GRIK4: variants seen among roughly 807,000 people sequenced by gnomAD.
GRIK4 encodes the protein glutamate receptor ionotropic, kainate 4.
A neutral mutation model predicts 104.9 loss-of-function variants in GRIK4; 40 were observed. The ratio of observed to expected loss-of-function variants is 0.38; its 90% CI spans 0.30 to 0.50. GRIK4 has a LOEUF of 0.50. Among genes scored for constraint, GRIK4 ranks in the 20% least tolerant of loss-of-function variants. GRIK4 has a pLI of 0.93. For synonymous variants in GRIK4, 485 were observed against 524.9 expected, an observed-to-expected ratio of 0.92 and a Z score of 1.04; for missense variants, 1,047 against 1,308.1, an observed-to-expected ratio of 0.80 and a Z score of 3.08.
intron 3 of GRIK4, among the ~76,000 whole-genome samples, chr11:120,793,222 G>A (rs895875081): frequency 1.3e-5 from 2 of 152,054 alleles, no homozygotes; most frequent in Non-Finnish European, 1.5e-5. Context: ...GCAGTGGGTC[G>A]AGGAGAACAT....
In GRIK4 at chr11:120,541,109, G is replaced by C. The variant is rs117683533; in HGVS notation, c.-159+29222G>C. ...CCCCTGGACTGAGGCGCAGCTACCGGAATGTGCTGTGCTAGTTCACACATC... is the reference window on the plus strand; with the variant it reads ...CCCCTGGACTGAGGCGCAGCTACCGCAATGTGCTGTGCTAGTTCACACATC... On this transcript the variant is annotated intron_variant, in intron 1 of 20. Transcript: ENST00000527524. Among the ~76,000 whole-genome samples the C allele has an allele frequency of 1.1e-4, 17 of 152,384 alleles. No homozygotes were observed. The East Asian group carries it at 3.1e-3, about 28-fold the overall frequency.
At chr11:120,786,912 A>C (rs1952290883) in intron 3 of GRIK4, among the ~76,000 whole-genome samples, 1 of 152,244 alleles carries the variant, frequency 6.6e-6, no homozygotes, top group South Asian at 2.1e-4. Context: ...AACGTGGCTC[A>C]TCTGGGTGGA....
intron 3 of GRIK4, among the ~76,000 whole-genome samples, chr11:120,780,708 G>A (rs969586925): frequency 2.6e-5 from 4 of 151,912 alleles, no homozygotes; most frequent in Non-Finnish European, 4.4e-5. Context: ...TACATTATCC[G>A]GGGTTTTTTT....
intron 3 of GRIK4, among the ~76,000 whole-genome samples, chr11:120,747,606 C>T (rs528331255): frequency 2.6e-5 from 4 of 152,288 alleles, no homozygotes; most frequent in African/African-American, 9.6e-5. Flanking sequence ...CAGAACAATA[C>T]GAGGTGAAGG....
chr11:120,656,967 CA>C (rs1166581200), intron 2 of GRIK4, among the ~76,000 whole-genome samples: 1 of 152,180 alleles, frequency 6.6e-6, no homozygotes, highest in African/African-American at 2.4e-5. Context: ...AAAATTTACA[CA>C]GGGTAATCTG....
intron 3 of GRIK4, among the ~76,000 whole-genome samples, chr11:120,752,791 G>A (rs1168450936): frequency 6.6e-6 from 1 of 152,222 alleles, no homozygotes; most frequent in Non-Finnish European, 1.5e-5. Context: ...AGGGCCACCT[G>A]TTGTCACTGT....
intron 1 of GRIK4, among the ~76,000 whole-genome samples, chr11:120,634,706 C>T (rs535533242): frequency 6.6e-6 from 1 of 152,160 alleles, no homozygotes; most frequent in Non-Finnish European, 1.5e-5. Flanking sequence ...TGAAAAGAGA[C>T]AGAGAACGGA....
At chr11:120,665,487 G>A (rs185962371) in intron 3 of GRIK4, among the ~76,000 whole-genome samples, 15 of 152,304 alleles carry the variant, frequency 9.8e-5, no homozygotes, top group Admixed American at 9.8e-4. Context: ...GCACCTTAGG[G>A]AGGCTGTGTC....
At chr11:120,983,522 C>T (rs548558626) in intron 20 of GRIK4, among the ~76,000 whole-genome samples, 169 of 152,348 alleles carry the variant, frequency 1.1e-3, no homozygotes, top group African/African-American at 3.9e-3. Flanking sequence ...TTCAGAATCC[C>T]TCTTCCCTTG....
At chr11:120,924,820 A>G (rs1204577421) in intron 13 of GRIK4, among the ~76,000 whole-genome samples, 28 of 152,220 alleles carry the variant, frequency 1.8e-4, no homozygotes, top group Admixed American at 1.8e-3. Flanking sequence ...AAAAGACCAA[A>G]TACACCTTTA....
At chr11:120,561,856 C>G (rs551086073) in intron 1 of GRIK4, among the ~76,000 whole-genome samples, 2 of 152,192 alleles carry the variant, frequency 1.3e-5, no homozygotes, top group South Asian at 4.1e-4. Flanking sequence ...GACTGCTGCA[C>G]GCTACACAGC....
intron 1 of GRIK4, among the ~76,000 whole-genome samples, chr11:120,607,284 C>T (rs998474506): frequency 5.3e-5 from 8 of 152,234 alleles, no homozygotes; most frequent in Admixed American, 1.3e-4. Flanking sequence ...TGTATTGTAA[C>T]GGGTTTGGTT....
Position 120,549,348 on chromosome 11 carries a change from C to T in GRIK4, c.-159+37461C>T, listed in dbSNP as rs900043771. On this transcript the variant is annotated intron_variant, in intron 1 of 20. Transcript: ENST00000527524. This position sits in a 1 kb window ranked among gnomAD's most constrained non-coding sequence, Gnocchi z 4.7. ...GTCTCAAACTCTTGACCTCATGATG[C>T]ACCCACCTTGGACTCCCAAAGTGCT... Among the ~76,000 whole-genome samples, 3 of 152,148 alleles carry T rather than the reference C, an allele frequency of 2.0e-5. No individual in the cohort carries two copies. The highest frequency in any genetic ancestry group is 7.2e-5 in the African/African-American group (3 of 41,424).
At chr11:120,974,401 G>A (rs969732996) in intron 19 of GRIK4, among the ~76,000 whole-genome samples, 44 of 152,206 alleles carry the variant, frequency 2.9e-4, no homozygotes, top group African/African-American at 9.9e-4. Flanking sequence ...GAGAGGGATA[G>A]AGGTGAAAGG....
chr11:120,798,274 T>TTA (rs1952560901), intron 3 of GRIK4, among the ~76,000 whole-genome samples: 1 of 146,428 alleles, frequency 6.8e-6, no homozygotes, highest in Non-Finnish European at 1.5e-5. Flanking sequence ...TTTTCCTGCC[T>TTA]TAGTCTCCCG....
chr11:120,737,068 C>T (rs1373970710), intron 3 of GRIK4, among the ~76,000 whole-genome samples: 1 of 151,960 alleles, frequency 6.6e-6, no homozygotes, highest in African/African-American at 2.4e-5. Context: ...GGATTGGAAC[C>T]GATGTTTAGA....
chr11:120,816,828 A>G (rs1952973592), intron 5 of GRIK4, among the ~76,000 whole-genome samples: 1 of 151,942 alleles, frequency 6.6e-6, no homozygotes, highest in Non-Finnish European at 1.5e-5. Flanking sequence ...TGTACCCTTG[A>G]GCCTTCTTAC....
chr11:120,822,020 G>A lies in GRIK4; in HGVS notation c.511+2100G>A, dbSNP rs561462410. On this transcript the variant is annotated intron_variant, in intron 6 of 20. Transcript: ENST00000527524. ...ACATCAGGAGTTTGAGACCAGTCTG[G>A]CCAATGTAGTAGAAACCCCGTTTCT... 2.6e-5 allele frequency among the ~76,000 whole-genome samples: 4 copies of A among 152,076 alleles called. No individual in the cohort carries two copies. The South Asian group carries it at 6.3e-4, about 24-fold the overall frequency.
intron 3 of GRIK4, among the ~76,000 whole-genome samples, chr11:120,683,425 A>G (rs1262445212): frequency 1.3e-5 from 2 of 152,164 alleles, no homozygotes; most frequent in Non-Finnish European, 2.9e-5. Context: ...CAAGAATTCT[A>G]TGTGGCACAT....
Sources: gnomAD v4.1 joint callset for allele counts (sites outside exome capture counted in the v4.1 genomes callset) on GRCh38, gnomAD v4.1.1 for gene constraint, Gnocchi (gnomAD v3.1) non-coding constraint, MANE v1.5 for transcripts, NCBI Gene and HGNC (gene_info 2026-07-23, HGNC 2026-07-21) for gene names.